CACYBP: variants seen among roughly 807,000 people sequenced by gnomAD.
The protein encoded by CACYBP is calcyclin-binding protein.
CACYBP carries 11 observed loss-of-function variants against 29.6 expected under a neutral mutation model. The ratio of observed to expected loss-of-function variants is 0.37; its 90% CI spans 0.23 to 0.61. The LOEUF (loss-of-function observed/expected upper bound fraction) is 0.61, where lower values mean the gene tolerates loss of function less well. Among genes scored for constraint, CACYBP ranks in the 20% least tolerant of loss-of-function variants. The pLI is 0.65. For synonymous variants in CACYBP, 73 were observed against 88.3 expected, an observed-to-expected ratio of 0.83 and a Z score of 0.97; for missense variants, 163 against 260.7, an observed-to-expected ratio of 0.63 and a Z score of 2.58.
chr1:175,001,369 G>C (rs7537508), intron 1 of CACYBP, among the ~76,000 whole-genome samples: 1 of 152,102 alleles, frequency 6.6e-6, no homozygotes, highest in African/African-American at 2.4e-5. Flanking sequence ...TACAATTCAG[G>C]TATTTGTTTT....
intron 2 of CACYBP, 199 bp downstream of exon 2, chr1:175,005,032 G>A (rs1672584029): frequency 1.7e-6 from 1 of 595,550 alleles, no homozygotes; most frequent in African/African-American, 1.9e-5. Context: ...CAAGAGTAAG[G>A]TGATTCACTA....
intron 1 of CACYBP, among the ~76,000 whole-genome samples, chr1:175,003,173 C>T (rs894637586): frequency 4.0e-5 from 6 of 150,182 alleles, no homozygotes; most frequent in Admixed American, 3.3e-4. Flanking sequence ...GGCTGGAGTG[C>T]AATGGCGCGA....
chr1:175,000,405 C>T, intron 1 of CACYBP: 1 of 1,404,516 alleles, frequency 7.1e-7, no homozygotes, highest in Non-Finnish European at 9.3e-7. Flanking sequence ...ACCCCACTCG[C>T]CTGCTGGGCT....
chr1:175,000,931 T>C (rs746808704), intron 1 of CACYBP, among the ~76,000 whole-genome samples: 2 of 152,222 alleles, frequency 1.3e-5, no homozygotes, highest in Non-Finnish European at 2.9e-5. Context: ...ATGGGAATGA[T>C]AGTACTTGTA....
At chr1:175,009,839 CT>C (rs1672706094) in intron 5 of CACYBP, 83 bp from the exon 6 acceptor site, 5 of 1,057,116 alleles carry the variant, frequency 4.7e-6, no homozygotes, top group Non-Finnish European at 6.9e-6. Flanking sequence ...TATCCCTCTA[CT>C]TCCTGCCAGT....
chr1:175,000,660 CTG>C, intron 1 of CACYBP: 1 of 966,312 alleles, frequency 1.0e-6, no homozygotes, highest in South Asian at 4.2e-5. Flanking sequence ...ACACGAGGAG[CTG>C]TGTTACTCTG....
At chr1:175,004,248 A>G (rs898378486) in intron 1 of CACYBP, among the ~76,000 whole-genome samples, 5 of 152,202 alleles carry the variant, frequency 3.3e-5, no homozygotes, top group Admixed American at 2.6e-4. Context: ...ATCTAATGAC[A>G]CTCGGATTAG....
chr1:175,002,044 C>CCAGAGTTGAA (rs1672504795), intron 1 of CACYBP, among the ~76,000 whole-genome samples: 1 of 152,166 alleles, frequency 6.6e-6, no homozygotes, highest in African/African-American at 2.4e-5. Flanking sequence ...TGGCGCCTGG[C>CCAGAGTTGAA]CTTATTTCCA....
intron 1 of CACYBP, 61 bp from the exon 2 acceptor site, chr1:175,004,553 C>T (rs368495789): frequency 2.9e-5 from 29 of 988,454 alleles, no homozygotes; most frequent in Middle Eastern, 2.2e-4. Context: ...ATGAGTGATA[C>T]GCACAATATC....
At chr1:175,005,561 A>G (rs1423708539) in intron 2 of CACYBP, among the ~76,000 whole-genome samples, 1 of 152,186 alleles carries the variant, frequency 6.6e-6, no homozygotes, top group Non-Finnish European at 1.5e-5. Flanking sequence ...TCAGCAAGTC[A>G]AAAAGGAGGG....
At position 175,011,320 on chromosome 1, in the gene CACYBP, C is replaced by T. The variant is rs1346127277; in HGVS notation, c.*1241C>T. ...CATGAACAGAATAGCAGACACAATG[C>T]ATATGAAAGTTACAGAATATGGTAA... On this transcript the variant is annotated 3_prime_UTR_variant, in exon 6 of 6. Coordinates refer to ENST00000367679, the MANE Select transcript of CACYBP (RefSeq NM_014412.3). 1 of 152,012 alleles carries T rather than the reference C, an allele frequency of 6.6e-6. No individual in the cohort carries two copies. The highest frequency in any genetic ancestry group is 1.9e-4 in the East Asian group (1 of 5,188). 9.4% of individuals were successfully genotyped at this position (152,012 alleles called of 1,614,324 possible). A position where few individuals can be genotyped will look rare whatever the true frequency, so the allele number is the denominator to read the frequency against.
At chr1:175,004,941 T>G in intron 2 of CACYBP, 108 bp downstream of exon 2, 1 of 796,838 alleles carries the variant, frequency 1.3e-6, no homozygotes, top group African/African-American at 1.7e-5. Flanking sequence ...TTTGGTGGTT[T>G]GGAGCAAGAC....
chr1:175,001,981 A>G (rs1397751816), intron 1 of CACYBP, among the ~76,000 whole-genome samples: 1 of 152,148 alleles, frequency 6.6e-6, no homozygotes, highest in Non-Finnish European at 1.5e-5. Flanking sequence ...ATCTCAAGTG[A>G]TCCGCCCGCC....
At position 175,011,045 on chromosome 1, in the gene CACYBP, A is replaced by G. The variant is rs1186894569; in HGVS notation, c.*966A>G. The G allele has an allele frequency of 6.7e-6, 1 of 149,568 alleles. No homozygotes were observed. The highest frequency in any genetic ancestry group is 2.5e-5 in the African/African-American group (1 of 40,570). 9.3% of individuals were successfully genotyped at this position (149,568 alleles called of 1,614,324 possible). A position where few individuals can be genotyped will look rare whatever the true frequency, so the allele number is the denominator to read the frequency against. On this transcript the variant is annotated 3_prime_UTR_variant, in exon 6 of 6. Transcript: ENST00000367679. The stretch of plus-strand genomic sequence containing the variant: ...CTTCAGCCCAGGAGTTTAAGGCTGC[A>G]GTGAGCTATGATGATGCCACTGTAC...
chr1:175,000,541 C>T lies in CACYBP; in HGVS notation c.15+346C>T, dbSNP rs571474543. The T allele has an allele frequency of 2.8e-5, 34 of 1,210,606 alleles. No homozygotes were observed. The African/African-American group carries it at 3.6e-4, about 13-fold the overall frequency. 75.0% of individuals were successfully genotyped at this position (1,210,606 alleles called of 1,614,324 possible). ...TTCCCAGCCAGTGGACAGGAAGCTT[C>T]ATTCAAGCAAAGCTGGGTGCAAACA... On this transcript the variant is annotated intron_variant, in intron 1 of 5. Transcript: ENST00000367679.
chr1:175,000,053 G>C lies in CACYBP; in HGVS notation c.-128G>C, dbSNP rs1672424497. ...CCGCGATCTTGCGCAGGGTCGGTGT[G>C]GGCGCAGGCTGCAGCGCCGCGACTC... On this transcript the variant is annotated 5_prime_UTR_variant, in exon 1 of 6. Coordinates refer to ENST00000367679, the MANE Select transcript of CACYBP (RefSeq NM_014412.3). The C allele has an allele frequency of 2.6e-5, 35 of 1,335,010 alleles. No homozygotes were observed. In the South Asian group the frequency reaches 4.3e-4, roughly 16 times the overall value. The allele number at this position is 1,335,010 out of a possible 1,614,324, so 82.7% of individuals were successfully genotyped here.
chr1:175,004,888 G>C (rs772016256), intron 2 of CACYBP, 55 bp downstream of exon 2: 94 of 1,114,808 alleles, frequency 8.4e-5, no homozygotes. Flanking sequence ...ATTCCTCATA[G>C]TGGTCTAACA....
Position 175,000,129 on chromosome 1 carries a change from G to T in CACYBP, c.-52G>T. On this transcript the variant is annotated 5_prime_UTR_variant, in exon 1 of 6. Transcript: ENST00000367679. The stretch of plus-strand genomic sequence containing the variant: ...TTGAGGGCTCGGCGCGGGGTTTCCT[G>T]TTCCTCCTTCTGCGCGGCTGCAGCT... 4 of 1,582,354 alleles carry T rather than the reference G, an allele frequency of 2.5e-6. No homozygotes were observed. Among genetic ancestry groups the T allele is most frequent in the South Asian group, 1.2e-5 (1 of 86,950 alleles).
intron 3 of CACYBP, 100 bp from the exon 4 acceptor site, chr1:175,006,998 A>G (rs1672635503): frequency 1.1e-6 from 1 of 892,692 alleles, no homozygotes; most frequent in African/African-American, 1.7e-5. Flanking sequence ...CCAAATGCAC[A>G]CCCTGAAATA....
Sources: allele counts gnomAD v4.1 joint callset (sites outside exome capture counted in the v4.1 genomes callset), GRCh38; gene constraint gnomAD v4.1.1; transcripts MANE v1.5; gene names NCBI Gene and HGNC (gene_info 2026-07-23, HGNC 2026-07-21).